PCNX1: variants seen among roughly 807,000 people sequenced by gnomAD.
PCNX1 encodes pecanex-like protein 1.
In PCNX1, 78 loss-of-function variants were observed where a neutral mutation model predicts 242.2. That is an observed-to-expected ratio of 0.32 (90% CI 0.27 to 0.39). PCNX1 has a LOEUF of 0.39. PCNX1 is among the 10% of genes least tolerant of loss of function. The pLI is 1.00. For missense variants in PCNX1, 2,581 were observed against 2,856.5 expected (o/e 0.90, Z 2.20); for synonymous variants, 1,024 against 1,032.9 (o/e 0.99, Z 0.17).
chr14:71,060,398 T>C (rs1445669751), intron 26 of PCNX1, among the ~76,000 whole-genome samples: 1 of 152,226 alleles, frequency 6.6e-6, no homozygotes, highest in Non-Finnish European at 1.5e-5. Context: ...AAGTTTACTT[T>C]AGAACAGTAT....
intron 5 of PCNX1, among the ~76,000 whole-genome samples, chr14:70,970,371 CTCAG>C (rs1277446037): frequency 2.0e-5 from 3 of 152,164 alleles, no homozygotes; most frequent in South Asian, 4.1e-4. Flanking sequence ...TTCTCTCTCT[CTCAG>C]TCAATCAACC....
intron 27 of PCNX1, among the ~76,000 whole-genome samples, chr14:71,075,265 A>G (rs1472302841): frequency 1.3e-5 from 2 of 152,050 alleles, no homozygotes; most frequent in African/African-American, 2.4e-5. Context: ...TGCTGGGGTT[A>G]TAGGTGTGAG....
chr14:71,055,440 A>C (rs2061156991), intron 24 of PCNX1, 64 bp from the exon 25 acceptor site: 1 of 911,184 alleles, frequency 1.1e-6, no homozygotes, highest in African/African-American at 1.7e-5. Context: ...TTTCTTCCTC[A>C]GTCTAAATTG....
At position 70,976,978 on chromosome 14, in the gene PCNX1, C is replaced by T; in HGVS notation, c.641C>T (p.Ser214Phe). ...GATCGGAAGCTCTTTCGTCTTGTCT[C>T]CAATGACTCCTTCATCTCTATTCAG... ...AADRKLFRLV[S>F]NDSFISIQPS... is the part of the protein sequence containing the mutation. The change falls in exon 6 of 36, where the codon TCC becomes TTC. Residue 214 changes from serine (S) to phenylalanine (F), a missense_variant. Around this residue, in one of 9 missense-constraint regions of PCNX1, gnomAD observed 1,204 missense variants for 1,216.7 expected, o/e 0.99. Transcript: ENST00000304743. 1 of 1,613,906 alleles carries T rather than the reference C, an allele frequency of 6.2e-7. No individual in the cohort carries two copies. The highest frequency in any genetic ancestry group is 8.5e-7 in the Non-Finnish European group (1 of 1,179,832).
chr14:71,062,517 AAAG>A (rs978666435), intron 26 of PCNX1, among the ~76,000 whole-genome samples: 1 of 151,962 alleles, frequency 6.6e-6, no homozygotes, highest in African/African-American at 2.4e-5. Context: ...AAATTTTAAA[AAAG>A]CTTACAGAAT....
In PCNX1 at chr14:70,913,026, A is replaced by G. The variant is rs1352250504; in HGVS notation, c.153+5023A>G. Among the ~76,000 whole-genome samples, 3 of 152,046 alleles carry G rather than the reference A, an allele frequency of 2.0e-5. No individual in the cohort carries two copies. In the South Asian group the frequency reaches 6.2e-4, roughly 32 times the overall value. ...TCCCTCTCTTTTTTTTCATCATTCC[A>G]TTCCATAACTTTCTTCCATAGCACT... On this transcript the variant is annotated intron_variant, in intron 1 of 35. Coordinates refer to ENST00000304743, the MANE Select transcript of PCNX1 (RefSeq NM_014982.3).
At chr14:71,077,545 C>A (rs948058998) in intron 28 of PCNX1, among the ~76,000 whole-genome samples, 1 of 152,064 alleles carries the variant, frequency 6.6e-6, no homozygotes, top group East Asian at 1.9e-4. Context: ...TCAATAAGAA[C>A]AGGAGCATCT....
At chr14:71,039,697 C>T (rs546017684) in intron 19 of PCNX1, among the ~76,000 whole-genome samples, 1 of 152,276 alleles carries the variant, frequency 6.6e-6, no homozygotes, top group Admixed American at 6.5e-5. Context: ...AGTAGACCTC[C>T]ATGATCGACA....
intron 22 of PCNX1, among the ~76,000 whole-genome samples, chr14:71,048,801 A>C (rs1277921923): frequency 6.6e-6 from 1 of 152,168 alleles, no homozygotes; most frequent in South Asian, 2.1e-4. Flanking sequence ...TTAAGCGATA[A>C]TGACAGTAAT....
intron 26 of PCNX1, among the ~76,000 whole-genome samples, chr14:71,065,115 A>G (rs921131740): frequency 1.3e-5 from 2 of 152,220 alleles, no homozygotes; most frequent in African/African-American, 4.8e-5. Context: ...ATGACTTATA[A>G]TCCTTTGGGT....
intron 5 of PCNX1, among the ~76,000 whole-genome samples, chr14:70,975,936 T>C (rs926315665): frequency 6.6e-6 from 1 of 152,156 alleles, no homozygotes; most frequent in Admixed American, 6.5e-5. Flanking sequence ...TAATGAAAGA[T>C]AAAATGCAGT....
rs765919444 is a variant in PCNX1 at position 71,102,022 on chromosome 14, C to T, written c.5622C>T (p.Asp1874=). 6.2e-7 allele frequency: 1 copy of T among 1,610,256 alleles called. No homozygotes were observed. The highest frequency in any genetic ancestry group is 8.5e-7 in the Non-Finnish European group (1 of 1,177,004). ...DHFTSPDEYD[D]PTVLYEAIVS... is the part of the protein sequence containing the mutation. ...TTACTTCTCCAGATGAATATGATGACCCTACTGTGCTCTATGAAGCCATAG... is the reference window on the plus strand; with the variant it reads ...TTACTTCTCCAGATGAATATGATGATCCTACTGTGCTCTATGAAGCCATAG... Residue 1874 remains aspartate, a synonymous_variant, in exon 31 of 36, where the codon GAC becomes GAT. Coordinates refer to ENST00000304743, the MANE Select transcript of PCNX1 (RefSeq NM_014982.3).
chr14:71,041,736 G>A (rs996481162), intron 19 of PCNX1, among the ~76,000 whole-genome samples: 7 of 151,682 alleles, frequency 4.6e-5, no homozygotes, highest in Admixed American at 4.6e-4. Context: ...TACATCATGA[G>A]GTTGTTTGAA....
rs192192722 is a variant in PCNX1 at position 71,067,312 on chromosome 14, G to C, written c.4853-6233G>C. Among the ~76,000 whole-genome samples the C allele has an allele frequency of 3.8e-3, 576 of 152,088 alleles. 3 individuals are homozygous for C. Among genetic ancestry groups the C allele is most frequent in the Non-Finnish European group, 5.2e-3 (351 of 67,988 alleles). On this transcript the variant is annotated intron_variant, in intron 26 of 35. Coordinates refer to ENST00000304743, the MANE Select transcript of PCNX1 (RefSeq NM_014982.3). ...AGAACTTGTTATTGGTCTATTCAGG[G>C]GTTCAACTTCTTCCTGGTTTATATG... is the stretch of plus-strand genomic sequence containing the variant.
chr14:71,097,273 G>GT (rs1477169333), intron 30 of PCNX1, among the ~76,000 whole-genome samples: 2 of 152,118 alleles, frequency 1.3e-5, no homozygotes, highest in South Asian at 2.1e-4. Context: ...TGCAATGAAC[G>GT]TAAGAATGTA....
chr14:71,085,199 T>C (rs780086726), intron 28 of PCNX1, among the ~76,000 whole-genome samples: 14 of 152,192 alleles, frequency 9.2e-5, no homozygotes, highest in Non-Finnish European at 1.6e-4. Flanking sequence ...CCCAATGCGA[T>C]GAGCCGGGTA....
chr14:71,085,837 A>T, intron 28 of PCNX1: 1 of 345,284 alleles, frequency 2.9e-6, no homozygotes, highest in South Asian at 3.2e-5. Flanking sequence ...TGTTTTCCTT[A>T]TCAATAAGGA....
chr14:70,920,186 A>C lies in PCNX1; in HGVS notation c.153+12183A>C, dbSNP rs78774411. Among the ~76,000 whole-genome samples, 1,368 of 152,334 alleles carry C rather than the reference A, an allele frequency of 9.0e-3. 10 individuals carry two copies. Among genetic ancestry groups the C allele is most frequent in the Non-Finnish European group, 0.012 (843 of 68,028 alleles). ...CAAGTTGCAAAGATGGAGTTCCTGT[A>C]TACCCTTCACCCAGTGTCCTCTAAT... On this transcript the variant is annotated intron_variant, in intron 1 of 35. Transcript: ENST00000304743.
intron 21 of PCNX1, 86 bp downstream of exon 21, chr14:71,047,191 T>C (rs2060885688): frequency 2.4e-6 from 2 of 838,940 alleles, no homozygotes; most frequent in South Asian, 3.4e-5. Flanking sequence ...TATTAAATAA[T>C]TGTTTCCTTC....
Sources: allele counts gnomAD v4.1 joint callset (sites outside exome capture counted in the v4.1 genomes callset), GRCh38; gene constraint gnomAD v4.1.1; regional missense constraint gnomAD v4.1.1; transcripts MANE v1.5; gene names NCBI Gene and HGNC (gene_info 2026-07-23, HGNC 2026-07-21).